TMEM117: variants seen among roughly 807,000 people sequenced by gnomAD.
TMEM117 encodes the protein transmembrane protein 117.
Under a neutral mutation model 52.4 loss-of-function variants are expected in TMEM117, and 27 were observed. That is an observed-to-expected ratio of 0.51 (90% CI 0.38 to 0.71). TMEM117 has a LOEUF of 0.71. Among genes scored for constraint, TMEM117 ranks in the 30% least tolerant of loss-of-function variants. The pLI is 0.00. For synonymous variants in TMEM117, 215 were observed against 206.3 expected (o/e 1.04, Z -0.36); for missense variants, 556 against 630.5 (o/e 0.88, Z 1.26).
At chr12:43,912,534 T>TATATATATATATATAA (rs1239034268) in intron 2 of TMEM117, among the ~76,000 whole-genome samples, 3 of 130,056 alleles carry the variant, frequency 2.3e-5, no homozygotes, top group African/African-American at 8.6e-5. Context: ...TATATATATA[T>TATATATATATATATAA]ATGGCAGAAT....
At chr12:44,381,707 G>A (rs1436568623) in intron 7 of TMEM117, among the ~76,000 whole-genome samples, 1 of 152,142 alleles carries the variant, frequency 6.6e-6, no homozygotes, top group African/African-American at 2.4e-5. Flanking sequence ...TGTTGTGTGA[G>A]GGTACAGGTG....
rs551945978 is a variant in TMEM117, at chr12:43,857,953, G to A, written c.277+13025G>A. ...ATATGGTAACTATGTTGCCCTGCAC[G>A]GTTCTGGATAGAAGCACGGGTCAAA... On this transcript the variant is annotated intron_variant, in intron 2 of 7. Coordinates refer to ENST00000266534, the MANE Select transcript of TMEM117 (RefSeq NM_032256.3). Among the ~76,000 whole-genome samples, 6 of 152,284 alleles carry A rather than the reference G, an allele frequency of 3.9e-5. No individual in the cohort carries two copies. In the South Asian group the frequency reaches 8.3e-4, roughly 21 times the overall value.
rs770359561 is a variant in TMEM117, at chr12:44,299,575, T to C, written c.609-5T>C. On this transcript the variant is annotated splice_polypyrimidine_tract_variant and splice_region_variant and intron_variant, in intron 5 of 7. Transcript: ENST00000266534. Reference sequence around the variant, plus strand: ...GTTCTTTAATGAGTGTCTTGTTCCTTACAGGACAGTTCTTTTTACTCTGAC... The same window carrying C: ...GTTCTTTAATGAGTGTCTTGTTCCTCACAGGACAGTTCTTTTTACTCTGAC... 1 of 1,614,140 alleles carries C rather than the reference T, an allele frequency of 6.2e-7. No homozygotes were observed. The highest frequency in any genetic ancestry group is 1.3e-5 in the African/African-American group (1 of 75,068).
chr12:43,837,379 T>C (rs1943049440), intron 1 of TMEM117, among the ~76,000 whole-genome samples: 1 of 152,196 alleles, frequency 6.6e-6, no homozygotes, highest in Non-Finnish European at 1.5e-5. Context: ...GGAGTCGGGC[T>C]CTGTCGCTCA....
Position 43,872,448 on chromosome 12 carries a change from A to T in TMEM117, c.277+27520A>T, listed in dbSNP as rs947114906. On this transcript the variant is annotated intron_variant, in intron 2 of 7. Coordinates refer to ENST00000266534, the MANE Select transcript of TMEM117 (RefSeq NM_032256.3). The stretch of plus-strand genomic sequence containing the variant: ...AGTGGAACTCAGTGACATAGCAGGT[A>T]TTAAGAAATAACTTTTCTGTAAGAT... Among the ~76,000 whole-genome samples the T allele has an allele frequency of 6.9e-4, 105 of 152,384 alleles. 1 individual carries two copies. The highest frequency in any genetic ancestry group is 2.5e-3 in the African/African-American group (104 of 41,594).
intron 3 of TMEM117, among the ~76,000 whole-genome samples, chr12:43,985,521 A>T (rs1452474449): frequency 6.6e-6 from 1 of 152,174 alleles, no homozygotes; most frequent in African/African-American, 2.4e-5. Flanking sequence ...ATTAATTATG[A>T]TAGTTATTCA....
chr12:43,886,223 G>A lies in TMEM117; in HGVS notation c.277+41295G>A, dbSNP rs114533968. Among the ~76,000 whole-genome samples, 1,158 of 152,168 alleles carry A rather than the reference G, an allele frequency of 7.6e-3. 12 individuals carry two copies. The highest frequency in any genetic ancestry group is 0.025 in the African/African-American group (1,056 of 41,490). ...AGGAGGTAAAGAGAGAGGAGAACAG[G>A]GACTAAGGAATATAAGGGACATATA... On this transcript the variant is annotated intron_variant, in intron 2 of 7. Coordinates refer to ENST00000266534, the MANE Select transcript of TMEM117 (RefSeq NM_032256.3).
At chr12:44,188,423 G>A (rs145591395) in intron 4 of TMEM117, among the ~76,000 whole-genome samples, 102 of 152,254 alleles carry the variant, frequency 6.7e-4, no homozygotes, top group African/African-American at 2.1e-3. Flanking sequence ...AGTATTGGAA[G>A]ATTATTGTGG....
chr12:44,205,302 C>G (rs1483597315), intron 4 of TMEM117, among the ~76,000 whole-genome samples: 1 of 152,166 alleles, frequency 6.6e-6, no homozygotes, highest in Non-Finnish European at 1.5e-5. Flanking sequence ...CCTGTACAAG[C>G]TCTCTTGTTT....
intron 6 of TMEM117, among the ~76,000 whole-genome samples, chr12:44,369,842 A>C (rs11829049): frequency 0.013 from 2,049 of 152,328 alleles, 39 homozygotes; most frequent in African/African-American, 0.047. Flanking sequence ...CCTGAGAGAA[A>C]ACTCCAAAGA....
chr12:44,019,337 G>A (rs1395368909), intron 3 of TMEM117, among the ~76,000 whole-genome samples: 2 of 151,914 alleles, frequency 1.3e-5, no homozygotes, highest in East Asian at 1.9e-4. Flanking sequence ...CACTCCCCAG[G>A]AGACCCATTG....
At chr12:44,127,304 T>A (rs1231420657) in intron 3 of TMEM117, among the ~76,000 whole-genome samples, 1 of 152,224 alleles carries the variant, frequency 6.6e-6, no homozygotes, top group Non-Finnish European at 1.5e-5. Flanking sequence ...TAGGCTGTAG[T>A]ACCCAGTTGT....
chr12:44,102,481 T>C (rs1487372516), intron 3 of TMEM117, among the ~76,000 whole-genome samples: 10 of 151,940 alleles, frequency 6.6e-5, no homozygotes, highest in Admixed American at 2.6e-4. Context: ...TCCATCTCTC[T>C]AAATGCCTCT....
chr12:44,373,876 G>A (rs1326664388), intron 6 of TMEM117, among the ~76,000 whole-genome samples: 1 of 146,378 alleles, frequency 6.8e-6, no homozygotes, highest in African/African-American at 2.5e-5. Context: ...CCGTCTCCCG[G>A]GTTCAAGCAA....
intron 3 of TMEM117, among the ~76,000 whole-genome samples, chr12:44,092,896 G>A (rs888922680): frequency 5.3e-5 from 8 of 152,162 alleles, no homozygotes; most frequent in African/African-American, 1.9e-4. Flanking sequence ...ATTCAATAAA[G>A]GAGGAAGAGT....
chr12:44,080,935 G>T (rs1200379453), intron 3 of TMEM117, among the ~76,000 whole-genome samples: 1 of 152,102 alleles, frequency 6.6e-6, no homozygotes, highest in African/African-American at 2.4e-5. Flanking sequence ...GAAAAAGTTT[G>T]CCAACTTCTG....
intron 2 of TMEM117, among the ~76,000 whole-genome samples, chr12:43,911,940 G>A (rs1421567482): frequency 7.6e-6 from 1 of 131,056 alleles, no homozygotes; most frequent in Non-Finnish European, 1.7e-5. Context: ...TCAGTGTGGC[G>A]ATTCCTCAGG....
chr12:44,316,513 T>C (rs922746806), intron 6 of TMEM117, among the ~76,000 whole-genome samples: 1 of 152,128 alleles, frequency 6.6e-6, no homozygotes, highest in African/African-American at 2.4e-5. Flanking sequence ...GCCTTTAAGA[T>C]TTTTTCTTTA....
At chr12:44,247,076 T>G (rs17094341) in intron 5 of TMEM117, among the ~76,000 whole-genome samples, 1 of 152,138 alleles carries the variant, frequency 6.6e-6, no homozygotes, top group East Asian at 1.9e-4. Flanking sequence ...CTCTTAAGAG[T>G]ATGTCAGGCA....
Sources: gnomAD v4.1 joint callset for allele counts (sites outside exome capture counted in the v4.1 genomes callset) on GRCh38, gnomAD v4.1.1 for gene constraint, MANE v1.5 for transcripts, NCBI Gene and HGNC (gene_info 2026-07-23, HGNC 2026-07-21) for gene names.